SCN11A: variants seen among roughly 807,000 people sequenced by gnomAD.
The protein encoded by SCN11A is sodium voltage-gated channel alpha subunit 11.
Under a neutral mutation model 162.2 loss-of-function variants are expected in SCN11A, and 122 were observed. The observed-to-expected ratio is 0.75, with a 90% confidence interval of 0.65 to 0.87. The LOEUF is 0.87. Ranked by LOEUF, SCN11A falls within the 40% of genes least tolerant of loss-of-function variation. SCN11A has a pLI of 0.00. For missense variants in SCN11A, 2,015 were observed against 2,181.6 expected, an observed-to-expected ratio of 0.92 and a Z score of 1.52; for synonymous variants, 758 against 751.5, an observed-to-expected ratio of 1.01 and a Z score of -0.14.
chr3:39,039,043 T>C (rs1559582637), intron 1 of SCN11A, among the ~76,000 whole-genome samples: 1 of 152,226 alleles, frequency 6.6e-6, no homozygotes, highest in Admixed American at 6.5e-5. Context: ...TTTTTTTTGC[T>C]TGATGATAAG....
chr3:38,870,015 C>T (rs1470664833), intron 26 of SCN11A, among the ~76,000 whole-genome samples: 1 of 152,164 alleles, frequency 6.6e-6, no homozygotes, highest in Non-Finnish European at 1.5e-5. Context: ...CACACATGTG[C>T]TATAATAGGA....
Position 38,868,379 on chromosome 3 carries a change from A to C in SCN11A, c.3814-921T>G, listed in dbSNP as rs1204545209. On this transcript the variant is annotated intron_variant, in intron 26 of 29. Transcript: ENST00000302328. ...GCTTGAGGCATCCATTTATTTGAAC[A>C]AAAGGTAGACATTAGTACAGAAACA... Among the ~76,000 whole-genome samples, 22 of 152,242 alleles carry C rather than the reference A, an allele frequency of 1.4e-4. 1 individual carries two copies. The highest frequency in any genetic ancestry group is 1.4e-3 in the Admixed American group (22 of 15,286).
intron 2 of SCN11A, among the ~76,000 whole-genome samples, chr3:38,963,438 TATATATGATGGA>T: frequency 9.7e-6 from 1 of 102,964 alleles, no homozygotes; most frequent in African/African-American, 4.8e-5. Flanking sequence ...TATATATATA[TATATATGATGGA>T]GATATATATA....
At chr3:38,897,716 TA>T (rs10711040) in intron 17 of SCN11A, among the ~76,000 whole-genome samples, 90,936 of 132,032 alleles carry the variant, frequency 0.69, 30,440 homozygotes, top group South Asian at 0.78. Context: ...CTCCATCTCA[TA>T]AAAAAAAAAA....
chr3:38,941,377 C>T (rs532397957), intron 7 of SCN11A, among the ~76,000 whole-genome samples: 1 of 152,172 alleles, frequency 6.6e-6, no homozygotes, highest in African/African-American at 2.4e-5. Context: ...GGGTTGCCAA[C>T]AGAACTGAAC....
At chr3:38,965,199 T>A (rs1023648603) in intron 2 of SCN11A, among the ~76,000 whole-genome samples, 1 of 152,204 alleles carries the variant, frequency 6.6e-6, no homozygotes, top group African/African-American at 2.4e-5. Flanking sequence ...AGTTTCATGA[T>A]CTTGTTCACT....
chr3:38,970,373 T>C (rs1162266527), intron 2 of SCN11A, among the ~76,000 whole-genome samples: 1 of 152,204 alleles, frequency 6.6e-6, no homozygotes, highest in East Asian at 1.9e-4. Flanking sequence ...AGTATTTCTT[T>C]GAAACAAATA....
chr3:39,020,461 T>C (rs113535549), intron 2 of SCN11A, among the ~76,000 whole-genome samples: 93 of 114,656 alleles, frequency 8.1e-4, no homozygotes, highest in Admixed American at 1.5e-3. Flanking sequence ...TACCTGAAGG[T>C]GCTCCAGGGC....
intron 3 of SCN11A, among the ~76,000 whole-genome samples, chr3:38,959,913 G>A (rs2066723360): frequency 6.6e-6 from 1 of 152,130 alleles, no homozygotes; most frequent in Admixed American, 6.5e-5. Context: ...TGGCCACGGG[G>A]AATTCAGAAA....
chr3:38,947,061 A>G (rs911067606), intron 5 of SCN11A, among the ~76,000 whole-genome samples, 154 bp from the exon 6 acceptor site: 2 of 152,268 alleles, frequency 1.3e-5, no homozygotes, highest in African/African-American at 4.8e-5. Context: ...ATACTCCAGA[A>G]GAATCAGAGA....
rs939771801 is a variant in SCN11A, at chr3:38,854,093, GA to G, written c.4057-3343del. Reference sequence around the variant, plus strand: ...GGTTTTACATTTTTAAATGTTTGGTGAAAAAAAAAATCAAAAGAAGAATAAA... The same window carrying G: ...GGTTTTACATTTTTAAATGTTTGGTGAAAAAAAAATCAAAAGAAGAATAAA... On this transcript the variant is annotated intron_variant, in intron 28 of 29. Transcript: ENST00000302328. Among the ~76,000 whole-genome samples, 506 of 148,314 alleles carry G rather than the reference GA, an allele frequency of 3.4e-3. 3 individuals carry two copies. The highest frequency in any genetic ancestry group is 0.012 in the African/African-American group (483 of 40,434).
intron 2 of SCN11A, among the ~76,000 whole-genome samples, chr3:38,971,067 G>GT (rs750065275): frequency 8.5e-5 from 13 of 152,096 alleles, no homozygotes; most frequent in Non-Finnish European, 1.8e-4. Context: ...ATCCAGAGAC[G>GT]TAAGTGTCTG....
chr3:38,907,810 T>C (rs2065822935), intron 14 of SCN11A, 139 bp downstream of exon 14: 6 of 710,306 alleles, frequency 8.4e-6, no homozygotes, highest in South Asian at 5.8e-5. Context: ...AAAAGACACA[T>C]GGATGCATGA....
chr3:38,986,239 G>A (rs2125592294), intron 2 of SCN11A, among the ~76,000 whole-genome samples: 1 of 150,970 alleles, frequency 6.6e-6, no homozygotes, highest in East Asian at 1.9e-4. Flanking sequence ...CATCCACACT[G>A]CTGCCAGAAG....
chr3:38,920,060 A>G, intron 10 of SCN11A, 59 bp from the exon 11 acceptor site: 1 of 1,260,600 alleles, frequency 7.9e-7, no homozygotes, highest in Non-Finnish European at 1.2e-6. Context: ...AGGAAAGAGA[A>G]TAGTAAGTAT....
chr3:38,892,357 T>C (rs2065514401), intron 19 of SCN11A, among the ~76,000 whole-genome samples: 1 of 152,232 alleles, frequency 6.6e-6, no homozygotes, highest in Non-Finnish European at 1.5e-5. Flanking sequence ...TATATTTCTT[T>C]TCCTTTCTTC....
intron 2 of SCN11A, among the ~76,000 whole-genome samples, chr3:39,010,657 C>T (rs926333049): frequency 1.3e-5 from 2 of 152,254 alleles, no homozygotes; most frequent in East Asian, 1.9e-4. Flanking sequence ...GGATTACAGG[C>T]GTGAGCCACC....
chr3:38,954,591 C>T (rs1307055878), intron 3 of SCN11A, among the ~76,000 whole-genome samples: 1 of 151,952 alleles, frequency 6.6e-6, no homozygotes, highest in Non-Finnish European at 1.5e-5. Flanking sequence ...ACTGACAACC[C>T]CTGAAACTGT....
At chr3:38,886,091 A>T in intron 20 of SCN11A, 34 bp downstream of exon 20, 1 of 1,405,130 alleles carries the variant, frequency 7.1e-7, no homozygotes, top group East Asian at 2.3e-5. Flanking sequence ...TGGATGAGCC[A>T]CAAGTTCCTC....
Sources: allele counts gnomAD v4.1 joint callset (sites outside exome capture counted in the v4.1 genomes callset), GRCh38; gene constraint gnomAD v4.1.1; transcripts MANE v1.5; gene names NCBI Gene and HGNC (gene_info 2026-07-23, HGNC 2026-07-21).